The following CRTC3 variants were observed in gnomAD, a reference collection of about 807,000 sequenced individuals.
CRTC3 encodes CREB-regulated transcription coactivator 3.
CRTC3 carries 26 observed loss-of-function variants against 74.5 expected under a neutral mutation model. The observed-to-expected ratio is 0.35, with a 90% CI of 0.26 to 0.48. CRTC3 has a LOEUF of 0.48. Among genes scored for constraint, CRTC3 ranks in the 20% least tolerant of loss-of-function variants. The pLI is 0.99. For missense variants in CRTC3, 760 were observed against 787.3 expected (o/e 0.97, Z 0.41); for synonymous variants, 377 against 325.8 (o/e 1.16, Z -1.69).
At chr15:90,622,761 GAATTGTT>G (rs1968696276) in intron 9 of CRTC3, among the ~76,000 whole-genome samples, 1 of 152,154 alleles carries the variant, frequency 6.6e-6, no homozygotes, top group South Asian at 2.1e-4. Context: ...TGAGGCAGGA[GAATTGTT>G]TGAACCCGGG....
At chr15:90,620,800 A>C (rs1346153606) in intron 9 of CRTC3, among the ~76,000 whole-genome samples, 1 of 152,232 alleles carries the variant, frequency 6.6e-6, no homozygotes, top group African/African-American at 2.4e-5. Flanking sequence ...GACTTAGTAC[A>C]TACAATCACC....
rs1013443628 is a variant in CRTC3 at position 90,641,875 on chromosome 15, C to T, written c.1652-57C>T. 4.6e-5 allele frequency: 68 copies of T among 1,492,458 alleles called. 1 individual carries two copies. The African/African-American group carries it at 7.0e-4, about 15-fold the overall frequency. The allele number at this position is 1,492,458 out of a possible 1,614,324, so 92.5% of individuals were successfully genotyped here. A position where few individuals can be genotyped will look rare whatever the true frequency, so the allele number is the denominator to read the frequency against. On this transcript the variant is annotated intron_variant, in intron 14 of 14. Coordinates refer to ENST00000268184, the MANE Select transcript of CRTC3 (RefSeq NM_022769.5). ...GTCATCAGCTGGGTTTGCTTAGTAG[C>T]CTGGAGCCTTCGCGCCTCCTAACCG... is the stretch of plus-strand genomic sequence containing the variant.
chr15:90,629,286 T>G lies in CRTC3; in HGVS notation c.1020T>G (p.Thr340=), dbSNP rs1968949838. ...CCATCCAAGCCACGCTCAATAAGAC[T>G]GTGCTTTCCTCTTCCTTAAATAACC... The part of the protein sequence containing the change: ...NPSIQATLNK[T]VLSSSLNNHP... Residue 340 remains threonine, a synonymous_variant, in exon 11 of 15, where the codon ACT becomes ACG. Coordinates refer to ENST00000268184, the MANE Select transcript of CRTC3 (RefSeq NM_022769.5). 6.2e-7 allele frequency: 1 copy of G among 1,614,090 alleles called. No individual in the cohort carries two copies.
At chr15:90,589,458 C>T (rs1175447774) in intron 2 of CRTC3, among the ~76,000 whole-genome samples, 2 of 151,976 alleles carry the variant, frequency 1.3e-5, no homozygotes, top group African/African-American at 4.8e-5. Context: ...GTCAAGGGAT[C>T]CTGAGCCTCA....
intron 3 of CRTC3, chr15:90,598,841 A>G (rs955536484): frequency 3.1e-5 from 9 of 293,648 alleles, no homozygotes; most frequent in Non-Finnish European, 4.6e-5. Context: ...CAAGGCGAGC[A>G]TGGAGGACAG....
chr15:90,556,257 A>G (rs1966888937), intron 2 of CRTC3, among the ~76,000 whole-genome samples: 2 of 152,160 alleles, frequency 1.3e-5, no homozygotes, highest in African/African-American at 4.8e-5. Context: ...ATGGTAATAA[A>G]CACTTTTATG....
In CRTC3 at chr15:90,575,865, A is replaced by G. The variant is rs75680629; in HGVS notation, c.232-17771A>G. ...TCTCTTTACACCAGTGTTACTGCCA[A>G]CCAAATGAACTTTAAAATCGGCTTG... On this transcript the variant is annotated intron_variant, in intron 2 of 14. Coordinates refer to ENST00000268184, the MANE Select transcript of CRTC3 (RefSeq NM_022769.5). Among the ~76,000 whole-genome samples, 1,482 of 152,296 alleles carry G rather than the reference A, an allele frequency of 9.7e-3. 20 individuals carry two copies. Among genetic ancestry groups the G allele is most frequent in the African/African-American group, 0.034 (1,419 of 41,540 alleles).
chr15:90,605,812 G>A (rs1968202332), intron 5 of CRTC3, among the ~76,000 whole-genome samples: 1 of 152,196 alleles, frequency 6.6e-6, no homozygotes. Flanking sequence ...TCCTTTCTAT[G>A]GCCGACAGTT....
At chr15:90,640,561 G>A (rs1035353013) in intron 13 of CRTC3, among the ~76,000 whole-genome samples, 3 of 152,062 alleles carry the variant, frequency 2.0e-5, no homozygotes, top group African/African-American at 7.2e-5. Flanking sequence ...GGTGGCATGT[G>A]GTCCCAGCTA....
chr15:90,558,693 C>T (rs1040664794), intron 2 of CRTC3, among the ~76,000 whole-genome samples: 2 of 151,956 alleles, frequency 1.3e-5, no homozygotes, highest in African/African-American at 4.8e-5. Flanking sequence ...GTCTTTCCTG[C>T]TTGATTTTTC....
At chr15:90,564,996 G>A (rs1314351399) in intron 2 of CRTC3, among the ~76,000 whole-genome samples, 1 of 151,936 alleles carries the variant, frequency 6.6e-6, no homozygotes, top group Non-Finnish European at 1.5e-5. Flanking sequence ...AGGCTGGAGT[G>A]CAATGATGCG....
In CRTC3 at chr15:90,593,618, C is replaced by T. The variant is rs527343867; in HGVS notation, c.232-18C>T. 8 of 1,596,166 alleles carry T rather than the reference C, an allele frequency of 5.0e-6. No individual in the cohort carries two copies. Among genetic ancestry groups the T allele is most frequent in the South Asian group, 4.4e-5 (4 of 90,246 alleles). On this transcript the variant is annotated intron_variant, in intron 2 of 14. Transcript: ENST00000268184. ...ATTTCATGGTTGGAGGCCAACTCTT[C>T]TTCCCTTCTCTCTGCAGCCGTCATT... is the stretch of plus-strand genomic sequence containing the variant.
intron 6 of CRTC3, chr15:90,614,171 G>C (rs1968431582): frequency 3.1e-6 from 1 of 323,396 alleles, no homozygotes. Flanking sequence ...AGATTCTCAG[G>C]CTTTGTAAAA....
At chr15:90,607,309 C>A in intron 5 of CRTC3, 69 bp from the exon 6 acceptor site, 1 of 894,338 alleles carries the variant, frequency 1.1e-6, no homozygotes, top group South Asian at 1.5e-5. Flanking sequence ...TGGTAATATT[C>A]AACAAAGACT....
intron 11 of CRTC3, among the ~76,000 whole-genome samples, chr15:90,633,001 C>G (rs1410708349): frequency 1.3e-5 from 2 of 152,134 alleles, no homozygotes; most frequent in African/African-American, 2.4e-5. Context: ...AATTCTCTTT[C>G]CACTCTCCCA....
intron 9 of CRTC3, among the ~76,000 whole-genome samples, chr15:90,621,818 T>G (rs1968661769): frequency 6.6e-6 from 1 of 152,184 alleles, no homozygotes; most frequent in African/African-American, 2.4e-5. Context: ...CAGATAGAAT[T>G]CCATTCAGTG....
intron 13 of CRTC3, among the ~76,000 whole-genome samples, chr15:90,639,379 TTCAA>T (rs1969357369): frequency 6.6e-6 from 1 of 152,128 alleles, no homozygotes; most frequent in South Asian, 2.1e-4. Flanking sequence ...TTCAATAGTA[TTCAA>T]TAAGTATGGA....
At chr15:90,554,014 C>T (rs1966869956) in intron 2 of CRTC3, among the ~76,000 whole-genome samples, 1 of 152,174 alleles carries the variant, frequency 6.6e-6, no homozygotes, top group Admixed American at 6.5e-5. Flanking sequence ...CAAATGTGGC[C>T]TCTGCCACTT....
chr15:90,598,663 T>C (rs1226475254), intron 3 of CRTC3: 2 of 619,772 alleles, frequency 3.2e-6, no homozygotes, highest in African/African-American at 1.8e-5. Context: ...ATTGGTTGGA[T>C]TTTTGGTAGA....
Sources: allele counts gnomAD v4.1 joint callset (sites outside exome capture counted in the v4.1 genomes callset), GRCh38; gene constraint gnomAD v4.1.1; transcripts MANE v1.5; gene names NCBI Gene and HGNC (gene_info 2026-07-23, HGNC 2026-07-21).